Variants in GFRA2 observed in about 807,000 individuals in gnomAD.
GFRA2 encodes GDNF family receptor alpha 2.
In GFRA2, 17 loss-of-function variants were observed where a neutral mutation model predicts 48.3. The ratio of observed to expected loss-of-function variants is 0.35; its 90% CI spans 0.24 to 0.53. The LOEUF (loss-of-function observed/expected upper bound fraction) is 0.53. GFRA2 is among the 20% of genes least tolerant of loss of function. The probability of loss-of-function intolerance (pLI) is 0.93; values close to 1 mark genes in which losing one functional copy is unlikely to be tolerated. For missense variants in GFRA2, 660 were observed against 637.3 expected (o/e 1.04, Z -0.38); for synonymous variants, 305 against 257.2 (o/e 1.19, Z -1.78).
intron 3 of GFRA2, among the ~76,000 whole-genome samples, chr8:21,770,445 AGAG>A (rs1221818042): frequency 5.3e-5 from 8 of 152,342 alleles, no homozygotes; most frequent in Admixed American, 4.6e-4. Context: ...ATTGGGGCTT[AGAG>A]GAGAAGCGCT....
intron 4 of GFRA2, among the ~76,000 whole-genome samples, chr8:21,712,611 C>T (rs1250572014): frequency 6.7e-6 from 1 of 149,686 alleles, no homozygotes; most frequent in South Asian, 2.1e-4. Flanking sequence ...GGGTGGCGGC[C>T]GGGCAGAGGC....
intron 3 of GFRA2, among the ~76,000 whole-genome samples, chr8:21,762,045 G>A (rs1313699070): frequency 6.6e-6 from 1 of 152,092 alleles, no homozygotes; most frequent in African/African-American, 2.4e-5. Flanking sequence ...ACACTGCCCT[G>A]CTAGGAAAAG....
chr8:21,761,044 A>G (rs1805884112), intron 3 of GFRA2, among the ~76,000 whole-genome samples: 3 of 152,148 alleles, frequency 2.0e-5, no homozygotes, highest in Non-Finnish European at 4.4e-5. Flanking sequence ...GGGAGGGTCC[A>G]GGAGCAGAGA....
chr8:21,738,189 C>A (rs1804573810), intron 4 of GFRA2, among the ~76,000 whole-genome samples: 1 of 76,090 alleles, frequency 1.3e-5, no homozygotes, highest in African/African-American at 4.5e-5. Flanking sequence ...CGTTCCTCCT[C>A]CTCCCCCTCC....
At chr8:21,732,233 C>A (rs929801471) in intron 4 of GFRA2, among the ~76,000 whole-genome samples, 1 of 152,244 alleles carries the variant, frequency 6.6e-6, no homozygotes. Context: ...TTCCAGGGGA[C>A]AAACAGGACT....
chr8:21,727,697 A>G (rs1803946367), intron 4 of GFRA2, among the ~76,000 whole-genome samples: 1 of 152,144 alleles, frequency 6.6e-6, no homozygotes, highest in South Asian at 2.1e-4. Flanking sequence ...GTCTGCCCGC[A>G]GACGGCAGCC....
chr8:21,781,188 C>T (rs1390548900), intron 2 of GFRA2, among the ~76,000 whole-genome samples: 1 of 152,198 alleles, frequency 6.6e-6, no homozygotes, highest in Non-Finnish European at 1.5e-5. Context: ...GCCTGTATCA[C>T]AGCAGCAGCT....
At chr8:21,744,586 C>CACAT (rs545980880) in intron 4 of GFRA2, among the ~76,000 whole-genome samples, 9 of 144,698 alleles carry the variant, frequency 6.2e-5, no homozygotes, top group Middle Eastern at 3.5e-3. Flanking sequence ...CACACACACA[C>CACAT]AATCTGAGCC....
chr8:21,691,104 G>A lies in GFRA2; in HGVS notation c.*2174C>T, dbSNP rs986080351. On this transcript the variant is annotated 3_prime_UTR_variant, in exon 9 of 9. Coordinates refer to ENST00000524240, the MANE Select transcript of GFRA2 (RefSeq NM_001495.5). ...AGCAAAAGCCATTGAGGGGACCTGC[G>A]ATTGGGAGATGGGAAAACTGCATCC... The A allele has an allele frequency of 2.6e-5, 4 of 152,200 alleles. No individual in the cohort carries two copies. Among genetic ancestry groups the A allele is most frequent in the East Asian group, 1.9e-4 (1 of 5,194 alleles). 9.4% of individuals were successfully genotyped at this position (152,200 alleles called of 1,614,324 possible). A position where few individuals can be genotyped will look rare whatever the true frequency, so the allele number is the denominator to read the frequency against.
chr8:21,729,761 C>A (rs556221401), intron 4 of GFRA2, among the ~76,000 whole-genome samples: 91 of 152,268 alleles, frequency 6.0e-4, no homozygotes, highest in African/African-American at 2.1e-3. Flanking sequence ...TCCCTCCCAC[C>A]GCCACCCCCA....
chr8:21,707,776 G>A (rs1802821409), intron 4 of GFRA2, among the ~76,000 whole-genome samples: 1 of 152,212 alleles, frequency 6.6e-6, no homozygotes, highest in Non-Finnish European at 1.5e-5. Flanking sequence ...TCTGGAGATG[G>A]ATGGCAGTGA....
At chr8:21,757,674 A>AG (rs1238122592) in intron 3 of GFRA2, among the ~76,000 whole-genome samples, 1 of 151,188 alleles carries the variant, frequency 6.6e-6, no homozygotes, top group Non-Finnish European at 1.5e-5. Flanking sequence ...TATTTTTTGT[A>AG]TTTTTTTTAG....
intron 2 of GFRA2, among the ~76,000 whole-genome samples, chr8:21,799,338 C>T (rs1807731285): frequency 6.6e-6 from 1 of 152,048 alleles, no homozygotes; most frequent in South Asian, 2.1e-4. Context: ...CTGTCTCAGC[C>T]TCCTGAGTAG....
intron 4 of GFRA2, among the ~76,000 whole-genome samples, chr8:21,729,762 G>A (rs1014825769): frequency 1.3e-5 from 2 of 149,228 alleles, no homozygotes; most frequent in Non-Finnish European, 3.0e-5. Flanking sequence ...CCCTCCCACC[G>A]CCACCCCCAA....
intron 4 of GFRA2, among the ~76,000 whole-genome samples, chr8:21,708,087 T>C (rs904740554): frequency 2.0e-5 from 3 of 152,198 alleles, no homozygotes; most frequent in Admixed American, 1.3e-4. Flanking sequence ...GCACCATTTC[T>C]GGCAGGCCCC....
rs1168281195 is a variant in GFRA2 at position 21,712,656 on chromosome 8, G to A, written c.795-6615C>T. On this transcript the variant is annotated intron_variant, in intron 4 of 8. Transcript: ENST00000524240. ...GGCACTTTGGGAGGCCAAGGCAGGCGGCTGGGAGGTGGAGGTTGTAGTGAG... is the reference window on the plus strand; with the variant it reads ...GGCACTTTGGGAGGCCAAGGCAGGCAGCTGGGAGGTGGAGGTTGTAGTGAG... Among the ~76,000 whole-genome samples the A allele has an allele frequency of 3.6e-4, 55 of 152,198 alleles. 1 individual carries two copies. Among genetic ancestry groups the A allele is most frequent in the Non-Finnish European group, 7.4e-4 (50 of 68,008 alleles).
At chr8:21,753,642 A>T (rs1431038695) in intron 3 of GFRA2, among the ~76,000 whole-genome samples, 2 of 152,238 alleles carry the variant, frequency 1.3e-5, no homozygotes, top group African/African-American at 4.8e-5. Context: ...AAAAGAAAGA[A>T]AAGAAAAAAA....
intron 4 of GFRA2, among the ~76,000 whole-genome samples, chr8:21,734,864 G>C (rs368988383): frequency 1.3e-5 from 2 of 152,204 alleles, no homozygotes; most frequent in African/African-American, 4.8e-5. Flanking sequence ...AAATCACTAA[G>C]CTAAAGGGAA....
At chr8:21,697,652 CCACTGATATGGTTTGG>C (rs780873286) in intron 7 of GFRA2, among the ~76,000 whole-genome samples, 67 of 152,310 alleles carry the variant, frequency 4.4e-4, no homozygotes, top group Non-Finnish European at 6.6e-4. Flanking sequence ...TCGCACATAA[CCACTGATATGGTTTGG>C]CTGTGTCTCC....
Sources: gnomAD v4.1 joint callset for allele counts (sites outside exome capture counted in the v4.1 genomes callset) on GRCh38, gnomAD v4.1.1 for gene constraint, MANE v1.5 for transcripts, NCBI Gene and HGNC (gene_info 2026-07-23, HGNC 2026-07-21) for gene names.